ABLIM2: variants seen among roughly 807,000 people sequenced by gnomAD.
ABLIM2 encodes the protein actin-binding LIM protein 2.
Under a neutral mutation model 97.7 loss-of-function variants are expected in ABLIM2, and 53 were observed. The ratio of observed to expected loss-of-function variants is 0.54; its 90% CI spans 0.44 to 0.68. The LOEUF (loss-of-function observed/expected upper bound fraction) is 0.68, where lower values mean the gene tolerates loss of function less well. ABLIM2 is among the 30% of genes least tolerant of loss of function. The probability of loss-of-function intolerance (pLI) is 0.00; values close to 1 mark genes in which losing one functional copy is unlikely to be tolerated. For synonymous variants in ABLIM2, 361 were observed against 345.8 expected (o/e 1.04, Z -0.49); for missense variants, 835 against 867.2 (o/e 0.96, Z 0.47).
rs1056103482 is a variant in ABLIM2 at position 7,992,403 on chromosome 4, G to C, written c.1680+463C>G. Among the ~76,000 whole-genome samples the C allele has an allele frequency of 2.0e-5, 3 of 152,168 alleles. No homozygotes were observed. Among genetic ancestry groups the C allele is most frequent in the African/African-American group, 7.2e-5 (3 of 41,442 alleles). ...TCAAGTAACAGCCTTGGACGCTAAG[G>C]ATTATTTGGTGTCATCACGGTAACA... On this transcript the variant is annotated intron_variant, in intron 17 of 20. Transcript: ENST00000447017. This position sits in a 1 kb window ranked among gnomAD's most constrained non-coding sequence, Gnocchi z 5.7.
Position 8,095,703 on chromosome 4 carries a change from C to A in ABLIM2, c.338+1396G>T, listed in dbSNP as rs768442648. 6.6e-6 allele frequency among the ~76,000 whole-genome samples: 1 copy of A among 152,066 alleles called. No individual in the cohort carries two copies. The highest frequency in any genetic ancestry group is 1.5e-5 in the Non-Finnish European group (1 of 68,014). On this transcript the variant is annotated intron_variant, in intron 3 of 20. Transcript: ENST00000447017. This position sits in a 1 kb window ranked among gnomAD's most constrained non-coding sequence, Gnocchi z 4.7. ...CAGCCAGCATGATCTTCCTGAGGCT[C>A]GTTTTGTGCTTTGGTAGAGCAGGTT...
intron 10 of ABLIM2, among the ~76,000 whole-genome samples, chr4:8,030,636 C>A (rs917263661): frequency 9.2e-5 from 14 of 152,326 alleles, no homozygotes; most frequent in African/African-American, 3.1e-4. Flanking sequence ...TTCCTACCTG[C>A]GCTTCACCCT....
chr4:8,077,605 G>A (rs892975601), intron 6 of ABLIM2, 23 bp downstream of exon 6: 2 of 1,585,292 alleles, frequency 1.3e-6, no homozygotes, highest in Non-Finnish European at 1.7e-6. Context: ...AGAGCGGGCA[G>A]GGGCCCGGCC....
intron 1 of ABLIM2, among the ~76,000 whole-genome samples, chr4:8,158,394 G>A (rs1034910837): frequency 3.3e-5 from 5 of 152,174 alleles, no homozygotes; most frequent in African/African-American, 1.2e-4. Flanking sequence ...CCGGACCCCC[G>A]TGAGAAGCAA....
intron 1 of ABLIM2, among the ~76,000 whole-genome samples, chr4:8,121,530 C>T (rs1845445462): frequency 6.6e-6 from 1 of 152,180 alleles, no homozygotes; most frequent in Admixed American, 6.5e-5. Flanking sequence ...GACTCCCCTG[C>T]CACCCCCCAC....
At position 8,130,281 on chromosome 4, in the gene ABLIM2, C is replaced by T. The variant is rs531843549; in HGVS notation, c.11-23644G>A. 6.6e-6 allele frequency among the ~76,000 whole-genome samples: 1 copy of T among 152,284 alleles called. No homozygotes were observed. The highest frequency in any genetic ancestry group is 2.4e-5 in the African/African-American group (1 of 41,564). The stretch of plus-strand genomic sequence containing the variant: ...GGCCCGGCCGCATCTGTCACCAGTT[C>T]CGGGATGGCCCATGCTGGGAAACAT... On this transcript the variant is annotated intron_variant, in intron 1 of 20. Coordinates refer to ENST00000447017, the MANE Select transcript of ABLIM2 (RefSeq NM_001130083.2). The surrounding 1 kb of genome is among the most constrained non-coding windows in gnomAD (Gnocchi z 4.2).
In ABLIM2 at chr4:8,125,675, G is replaced by A. The variant is rs977063615; in HGVS notation, c.11-19038C>T. Among the ~76,000 whole-genome samples the A allele has an allele frequency of 6.6e-6, 1 of 152,204 alleles. No individual in the cohort carries two copies. The highest frequency in any genetic ancestry group is 1.5e-5 in the Non-Finnish European group (1 of 68,046). The stretch of plus-strand genomic sequence containing the variant: ...CCGTCCAGCACAGTTGTCCACAGTT[G>A]GTGGAAGCACAGTGGGCCTGAGAAG... On this transcript the variant is annotated intron_variant, in intron 1 of 20. Transcript: ENST00000447017. This position sits in a 1 kb window ranked among gnomAD's most constrained non-coding sequence, Gnocchi z 6.2.
chr4:7,998,554 G>T lies in ABLIM2; in HGVS notation c.1619-5627C>A, dbSNP rs567223005. On this transcript the variant is annotated intron_variant, in intron 16 of 20. Coordinates refer to ENST00000447017, the MANE Select transcript of ABLIM2 (RefSeq NM_001130083.2). This position sits in a 1 kb window ranked among gnomAD's most constrained non-coding sequence, Gnocchi z 6.4. Reference sequence around the variant, plus strand: ...GGTGGGGGTGGGAGATGCCTGCCACGGGTGGAGACCATGCCCCTGGGTTCA... The same window carrying T: ...GGTGGGGGTGGGAGATGCCTGCCACTGGTGGAGACCATGCCCCTGGGTTCA... 2.4e-5 allele frequency: 11 copies of T among 457,356 alleles called. No homozygotes were observed. The highest frequency in any genetic ancestry group is 1.4e-4 in the South Asian group (9 of 64,802). 28.3% of individuals were successfully genotyped at this position (457,356 alleles called of 1,614,324 possible). A position where few individuals can be genotyped will look rare whatever the true frequency, so the allele number is the denominator to read the frequency against.
intron 20 of ABLIM2, among the ~76,000 whole-genome samples, chr4:7,971,784 G>C (rs539030590): frequency 6.6e-6 from 1 of 152,100 alleles, no homozygotes; most frequent in African/African-American, 2.4e-5. Flanking sequence ...ACCAAGCTCA[G>C]AGGTACCCCT....
chr4:8,157,588 G>GC (rs1270276662), intron 1 of ABLIM2, among the ~76,000 whole-genome samples: 1 of 152,150 alleles, frequency 6.6e-6, no homozygotes, highest in Admixed American at 6.5e-5. Context: ...CTTAGCCCCC[G>GC]CCCCCTTCTA....
In ABLIM2 at chr4:8,002,382, G is replaced by A. The variant is rs1757825157; in HGVS notation, c.1618+5677C>T. On this transcript the variant is annotated intron_variant, in intron 16 of 20. Transcript: ENST00000447017. This position sits in a 1 kb window ranked among gnomAD's most constrained non-coding sequence, Gnocchi z 6.1. The stretch of plus-strand genomic sequence containing the variant: ...TGGTTCCTGAGCTGCCACCATGTGG[G>A]CCCTGCCAGTGAGATCCTTCCAGGG... 6.6e-6 allele frequency among the ~76,000 whole-genome samples: 1 copy of A among 152,284 alleles called. No homozygotes were observed. The highest frequency in any genetic ancestry group is 2.1e-4 in the South Asian group (1 of 4,810).
chr4:8,091,601 TATATA>T (rs1828312027), intron 3 of ABLIM2, among the ~76,000 whole-genome samples: 1 of 52,054 alleles, frequency 1.9e-5, no homozygotes, highest in Non-Finnish European at 2.9e-5. Context: ...TATATAATTA[TATATA>T]TTATGTATAA....
At position 8,033,188 on chromosome 4, in the gene ABLIM2, T is replaced by G. The variant is rs547297171; in HGVS notation, c.1047+2961A>C. On this transcript the variant is annotated intron_variant, in intron 10 of 20. Transcript: ENST00000447017. This position sits in a 1 kb window ranked among gnomAD's most constrained non-coding sequence, Gnocchi z 4.5. ...CCCGTCTTCCCAGGCTGGCACCCCATCCACCACCACCTGCACATATGTTCA... is the reference window on the plus strand; with the variant it reads ...CCCGTCTTCCCAGGCTGGCACCCCAGCCACCACCACCTGCACATATGTTCA... 3.0e-4 allele frequency among the ~76,000 whole-genome samples: 46 copies of G among 152,234 alleles called. No homozygotes were observed. Among genetic ancestry groups the G allele is most frequent in the Admixed American group, 2.5e-3 (38 of 15,292 alleles).
intron 1 of ABLIM2, among the ~76,000 whole-genome samples, chr4:8,143,739 C>T (rs1364182041): frequency 6.6e-6 from 1 of 152,142 alleles, no homozygotes; most frequent in Non-Finnish European, 1.5e-5. Context: ...GGAAGAACTG[C>T]CTCCAGTGCC....
Position 8,056,830 on chromosome 4 carries a change from G to T in ABLIM2, c.764-2584C>A, listed in dbSNP as rs549430009. 5.6e-3 allele frequency among the ~76,000 whole-genome samples: 836 copies of T among 150,562 alleles called. 5 individuals carry two copies. Among genetic ancestry groups the T allele is most frequent in the African/African-American group, 0.019 (802 of 41,186 alleles). On this transcript the variant is annotated intron_variant, in intron 7 of 20. Coordinates refer to ENST00000447017, the MANE Select transcript of ABLIM2 (RefSeq NM_001130083.2). Reference sequence around the variant, plus strand: ...GCCTGTAGTCCCAGCTGCTCGGGAGGCTGAGGCAGGAGAATGGCGTGAACT... The same window carrying T: ...GCCTGTAGTCCCAGCTGCTCGGGAGTCTGAGGCAGGAGAATGGCGTGAACT...
In ABLIM2 at chr4:8,022,798, G is replaced by A. The variant is rs1774673130; in HGVS notation, c.1268-2495C>T. 6.6e-6 allele frequency: 1 copy of A among 152,330 alleles called. No individual in the cohort carries two copies. The highest frequency in any genetic ancestry group is 1.5e-5 in the Non-Finnish European group (1 of 68,132). The allele number at this position is 152,330 out of a possible 1,614,324, so 9.4% of individuals were successfully genotyped here. On this transcript the variant is annotated intron_variant, in intron 12 of 20. Coordinates refer to ENST00000447017, the MANE Select transcript of ABLIM2 (RefSeq NM_001130083.2). The surrounding 1 kb of genome is among the most constrained non-coding windows in gnomAD (Gnocchi z 7.8). ...TGTGCTGCTAGGCTCACATCCCAGG[G>A]GGCTTCTGATATGCTACAGACGGGG...
In ABLIM2 at chr4:8,082,737, G is replaced by A. The variant is rs190752881; in HGVS notation, c.455-1935C>T. Among the ~76,000 whole-genome samples the A allele has an allele frequency of 2.6e-5, 4 of 152,306 alleles. No homozygotes were observed. In the East Asian group the frequency reaches 7.7e-4, roughly 29 times the overall value. Reference sequence around the variant, plus strand: ...CAGAGGCTGTGGGCTTGAGAAACACGTGGGGAATGAATGAATGAATGAATG... The same window carrying A: ...CAGAGGCTGTGGGCTTGAGAAACACATGGGGAATGAATGAATGAATGAATG... On this transcript the variant is annotated intron_variant, in intron 4 of 20. Transcript: ENST00000447017. The surrounding 1 kb of genome is among the most constrained non-coding windows in gnomAD (Gnocchi z 5.6).
At position 8,002,249 on chromosome 4, in the gene ABLIM2, T is replaced by G. The variant is rs908065063; in HGVS notation, c.1618+5810A>C. Among the ~76,000 whole-genome samples, 1 of 152,104 alleles carries G rather than the reference T, an allele frequency of 6.6e-6. No individual in the cohort carries two copies. Among genetic ancestry groups the G allele is most frequent in the African/African-American group, 2.4e-5 (1 of 41,420 alleles). On this transcript the variant is annotated intron_variant, in intron 16 of 20. Transcript: ENST00000447017. This position sits in a 1 kb window ranked among gnomAD's most constrained non-coding sequence, Gnocchi z 6.1. ...ACGTCTCAGGCTCTCCAAGCCAACA[T>G]GAAGACACCCACCTGTTCTCATCCC...
chr4:7,987,439 T>A (rs1339576451), intron 17 of ABLIM2, among the ~76,000 whole-genome samples: 1 of 152,192 alleles, frequency 6.6e-6, no homozygotes, highest in Admixed American at 6.5e-5. Flanking sequence ...AATGTTTTGA[T>A]ACATTTTCTT....
Sources: allele counts gnomAD v4.1 joint callset (sites outside exome capture counted in the v4.1 genomes callset), GRCh38; gene constraint gnomAD v4.1.1; non-coding constraint Gnocchi (gnomAD v3.1); transcripts MANE v1.5; gene names NCBI Gene and HGNC (gene_info 2026-07-23, HGNC 2026-07-21).